FAM135B: variants seen among roughly 807,000 people sequenced by gnomAD.
The protein encoded by FAM135B is family with sequence similarity 135 member B.
A neutral mutation model predicts 127.7 loss-of-function variants in FAM135B; 43 were observed. The ratio of observed to expected loss-of-function variants is 0.34; its 90% CI spans 0.26 to 0.43. FAM135B has a LOEUF of 0.43. Ranked by LOEUF, FAM135B falls within the 20% of genes least tolerant of loss-of-function variation. The probability of loss-of-function intolerance (pLI) is 1.00; values close to 1 mark genes in which losing one functional copy is unlikely to be tolerated. For missense variants in FAM135B, 1,558 were observed against 1,725.6 expected (o/e 0.90, Z 1.72); for synonymous variants, 670 against 665.1 (o/e 1.01, Z -0.11).
intron 7 of FAM135B, among the ~76,000 whole-genome samples, chr8:138,205,375 C>A (rs7460883): frequency 6.6e-6 from 1 of 152,038 alleles, no homozygotes; most frequent in African/African-American, 2.4e-5. Context: ...CCTCTTTGAA[C>A]TGAGCTTCAG....
intron 2 of FAM135B, among the ~76,000 whole-genome samples, chr8:138,313,111 CAG>C (rs1826818527): frequency 6.6e-6 from 1 of 152,074 alleles, no homozygotes; most frequent in Non-Finnish European, 1.5e-5. Context: ...TATTAGGAAA[CAG>C]AGAAAAGTTT....
chr8:138,141,441 C>T lies in FAM135B; in HGVS notation c.3639-92G>A, dbSNP rs942543004. On this transcript the variant is annotated intron_variant, in intron 16 of 19. Transcript: ENST00000395297. The surrounding 1 kb of genome is among the most constrained non-coding windows in gnomAD (Gnocchi z 4.7). Reference sequence around the variant, plus strand: ...TGGAAGCATCAGGGGCCATTGTTCTCCACCTCCCACTGAATGTAGGGGAAC... The same window carrying T: ...TGGAAGCATCAGGGGCCATTGTTCTTCACCTCCCACTGAATGTAGGGGAAC... 31 of 1,261,276 alleles carry T rather than the reference C, an allele frequency of 2.5e-5. No individual in the cohort carries two copies. The highest frequency in any genetic ancestry group is 9.2e-5 in the South Asian group (7 of 76,048). The allele number at this position is 1,261,276 out of a possible 1,614,324, so 78.1% of individuals were successfully genotyped here.
At chr8:138,208,894 ATTAG>A (rs1477427342) in intron 7 of FAM135B, among the ~76,000 whole-genome samples, 1 of 152,234 alleles carries the variant, frequency 6.6e-6, no homozygotes, top group African/African-American at 2.4e-5. Flanking sequence ...AAATCTCATT[ATTAG>A]TTAGATAAGT....
Position 138,141,240 on chromosome 8 carries a change from G to A in FAM135B, c.3748C>T (p.His1250Tyr), listed in dbSNP as rs2130594063. The A allele has an allele frequency of 6.2e-7, 1 of 1,614,152 alleles. No individual in the cohort carries two copies. The highest frequency in any genetic ancestry group is 8.5e-7 in the Non-Finnish European group (1 of 1,180,022). ...CTGTTGTTGTACAGGGTTCCCAGGTGAGGCCCAGAGAGTGACAGGAACGTG... is the reference window on the plus strand; with the variant it reads ...CTGTTGTTGTACAGGGTTCCCAGGTAAGGCCCAGAGAGTGACAGGAACGTG... ...LHTFLSLSGP[H>Y]LGTLYNNSTL... The change falls in exon 17 of 20, where the codon CAC becomes TAC. Residue 1250 changes from histidine (H) to tyrosine (Y), a missense_variant. Coordinates refer to ENST00000395297, the MANE Select transcript of FAM135B (RefSeq NM_015912.4). This position sits in a 1 kb window ranked among gnomAD's most constrained non-coding sequence, Gnocchi z 4.7.
chr8:138,287,891 A>T (rs1039430337), intron 3 of FAM135B, among the ~76,000 whole-genome samples: 11 of 152,364 alleles, frequency 7.2e-5, no homozygotes, highest in Admixed American at 2.0e-4. Flanking sequence ...AAATGCAGAT[A>T]ATACATACCA....
chr8:138,257,885 T>C (rs5895507), intron 4 of FAM135B, among the ~76,000 whole-genome samples: 1 of 85,712 alleles, frequency 1.2e-5, no homozygotes, highest in African/African-American at 4.8e-5. Context: ...AAATAAAAAA[T>C]AAAAAAAAAA....
At chr8:138,247,585 A>G (rs974030653) in intron 6 of FAM135B, among the ~76,000 whole-genome samples, 4 of 152,116 alleles carry the variant, frequency 2.6e-5, no homozygotes, top group African/African-American at 7.2e-5. Context: ...TTTCCTTTAT[A>G]CATTACCCAC....
intron 1 of FAM135B, among the ~76,000 whole-genome samples, chr8:138,412,407 C>G (rs1313587874): frequency 1.3e-5 from 2 of 152,154 alleles, no homozygotes; most frequent in African/African-American, 4.8e-5. Context: ...AGCTGCTAAC[C>G]TTGGGGGGTA....
chr8:138,154,675 A>C (rs889464121), intron 12 of FAM135B, among the ~76,000 whole-genome samples: 2 of 152,194 alleles, frequency 1.3e-5, no homozygotes, highest in African/African-American at 2.4e-5. Flanking sequence ...GATTCAATCA[A>C]GTGGAAGAAA....
At chr8:138,338,916 A>T (rs1226263330) in intron 2 of FAM135B, among the ~76,000 whole-genome samples, 1 of 152,112 alleles carries the variant, frequency 6.6e-6, no homozygotes, top group Non-Finnish European at 1.5e-5. Context: ...TACACCATGG[A>T]ATACTATGCA....
At chr8:138,395,588 C>T (rs551924588) in intron 1 of FAM135B, among the ~76,000 whole-genome samples, 1 of 152,226 alleles carries the variant, frequency 6.6e-6, no homozygotes, top group Admixed American at 6.5e-5. Context: ...TTTCTAGGTC[C>T]CAAGTGGGTC....
At chr8:138,380,075 G>A (rs569563304) in intron 1 of FAM135B, among the ~76,000 whole-genome samples, 1 of 152,338 alleles carries the variant, frequency 6.6e-6, no homozygotes, top group South Asian at 2.1e-4. Flanking sequence ...CCCAATTCAA[G>A]TTGAATCACA....
At chr8:138,455,390 G>C (rs1156230833) in intron 1 of FAM135B, among the ~76,000 whole-genome samples, 1 of 152,128 alleles carries the variant, frequency 6.6e-6, no homozygotes, top group Non-Finnish European at 1.5e-5. Context: ...TACGTGGTCT[G>C]ACAGCATCTC....
chr8:138,349,812 A>C (rs1171180621), intron 2 of FAM135B, among the ~76,000 whole-genome samples: 1 of 152,186 alleles, frequency 6.6e-6, no homozygotes, highest in Non-Finnish European at 1.5e-5. Context: ...CATGTTCAAG[A>C]ATCCATAAGT....
At chr8:138,284,986 A>T (rs1269206918) in intron 3 of FAM135B, among the ~76,000 whole-genome samples, 2 of 152,108 alleles carry the variant, frequency 1.3e-5, no homozygotes, top group Non-Finnish European at 2.9e-5. Flanking sequence ...GAATGAAATT[A>T]TAAAGGCATT....
chr8:138,446,944 C>G lies in FAM135B; in HGVS notation c.-20+49727G>C, dbSNP rs192776740. 6.1e-4 allele frequency among the ~76,000 whole-genome samples: 92 copies of G among 152,006 alleles called. 1 individual carries two copies. The East Asian group carries it at 0.017, about 28-fold the overall frequency. ...TAATATCCAGAATCTACAGAGAACT[C>G]AAACAAATTTAAAGAAAAAAACAAA... On this transcript the variant is annotated intron_variant, in intron 1 of 19. Coordinates refer to ENST00000395297, the MANE Select transcript of FAM135B (RefSeq NM_015912.4).
At chr8:138,283,743 T>C (rs1028074039) in intron 3 of FAM135B, among the ~76,000 whole-genome samples, 2 of 152,094 alleles carry the variant, frequency 1.3e-5, no homozygotes, top group Admixed American at 1.3e-4. Flanking sequence ...TCTGCACCAC[T>C]AGCTTGTAAT....
chr8:138,345,716 G>C (rs1473883722), intron 2 of FAM135B, among the ~76,000 whole-genome samples: 2 of 152,198 alleles, frequency 1.3e-5, no homozygotes, highest in South Asian at 2.1e-4. Context: ...GAGAGGAGGG[G>C]AGAGTATCTT....
At chr8:138,201,286 T>A (rs6981762) in intron 7 of FAM135B, among the ~76,000 whole-genome samples, 112,984 of 152,092 alleles carry the variant, frequency 0.74, 42,365 homozygotes, top group East Asian at 0.83. Context: ...ATGAAGTCTC[T>A]TATCAAGTTT....
Sources: allele counts gnomAD v4.1 joint callset (sites outside exome capture counted in the v4.1 genomes callset), GRCh38; gene constraint gnomAD v4.1.1; non-coding constraint Gnocchi (gnomAD v3.1); transcripts MANE v1.5; gene names NCBI Gene and HGNC (gene_info 2026-07-23, HGNC 2026-07-21).